The following ABCB11 variants were observed in gnomAD, a reference collection of about 807,000 sequenced individuals.
ABCB11 encodes the protein ATP binding cassette subfamily B member 11.
A neutral mutation model predicts 148.0 loss-of-function variants in ABCB11; 95 were observed. The ratio of observed to expected loss-of-function variants is 0.64; its 90% confidence interval spans 0.54 to 0.76. The LOEUF is 0.76. ABCB11 is among the 30% of genes least tolerant of loss of function. The pLI is 0.00. For synonymous variants in ABCB11, 591 were observed against 555.4 expected, an observed-to-expected ratio of 1.06 and a Z score of -0.90; for missense variants, 1,523 against 1,617.8, an observed-to-expected ratio of 0.94 and a Z score of 1.01.
intron 5 of ABCB11, among the ~76,000 whole-genome samples, chr2:169,010,814 G>A (rs1374825703): frequency 6.6e-6 from 1 of 152,124 alleles, no homozygotes; most frequent in African/African-American, 2.4e-5. Context: ...CACGATGACA[G>A]TATTTAACTC....
chr2:168,933,848 G>A (rs1374655830), intron 23 of ABCB11, among the ~76,000 whole-genome samples: 4 of 152,094 alleles, frequency 2.6e-5, no homozygotes, highest in East Asian at 1.9e-4. Flanking sequence ...GGGTTCAAGC[G>A]ATTCTCCTTT....
chr2:168,924,445 C>T (rs1691214425), intron 27 of ABCB11, among the ~76,000 whole-genome samples: 1 of 152,102 alleles, frequency 6.6e-6, no homozygotes, highest in Non-Finnish European at 1.5e-5. Context: ...ATCTTAAAAA[C>T]AATTCTTATT....
At chr2:168,987,894 A>G (rs563598389) in intron 9 of ABCB11, among the ~76,000 whole-genome samples, 2 of 152,304 alleles carry the variant, frequency 1.3e-5, no homozygotes, top group South Asian at 4.1e-4. Flanking sequence ...AAACTTACAT[A>G]TATTTATGGT....
chr2:168,973,742 C>T lies in ABCB11; in HGVS notation c.1407G>A (p.Gln469=), dbSNP rs2105967959. ...AGKSTALQLI[Q]RFYDPCEGMV... is the part of the protein sequence containing the mutation. ...TTCCTTCACAGGGGTCATAGAATCGCTGAATGAGTTGCAGTGCTGTACTTT... is the reference window on the plus strand; with the variant it reads ...TTCCTTCACAGGGGTCATAGAATCGTTGAATGAGTTGCAGTGCTGTACTTT... The change falls in exon 13 of 28, where the codon CAG becomes CAA. Residue 469 remains glutamine (Q), a synonymous_variant. Coordinates refer to ENST00000650372, the MANE Select transcript of ABCB11 (RefSeq NM_003742.4). The T allele has an allele frequency of 6.2e-7, 1 of 1,612,162 alleles. No individual in the cohort carries two copies. Among genetic ancestry groups the T allele is most frequent in the Non-Finnish European group, 8.5e-7 (1 of 1,178,626 alleles).
chr2:169,024,272 C>T lies in ABCB11; in HGVS notation c.-27-6120G>A, dbSNP rs141645611. 3.7e-3 allele frequency among the ~76,000 whole-genome samples: 561 copies of T among 152,212 alleles called. 2 individuals are homozygous for T. The highest frequency in any genetic ancestry group is 0.013 in the African/African-American group (529 of 41,532). On this transcript the variant is annotated intron_variant, in intron 1 of 27. Transcript: ENST00000650372. Reference sequence around the variant, plus strand: ...CCACAAAAGGGTTAATGTTAGCAAGCTTGGGATGGAGGCACTATGCACCAT... The same window carrying T: ...CCACAAAAGGGTTAATGTTAGCAAGTTTGGGATGGAGGCACTATGCACCAT...
intron 3 of ABCB11, 48 bp from the exon 4 acceptor site, chr2:169,014,402 T>A (rs1695291536): frequency 6.5e-7 from 1 of 1,542,168 alleles, no homozygotes; most frequent in Non-Finnish European, 8.9e-7. Context: ...TCCAATACAA[T>A]GGGAAATTCT....
chr2:168,974,373 G>A (rs527653405), intron 12 of ABCB11, among the ~76,000 whole-genome samples: 123 of 152,098 alleles, frequency 8.1e-4, no homozygotes, highest in African/African-American at 2.8e-3. Flanking sequence ...CGTAGAGGCT[G>A]AATGCTGGCT....
chr2:168,924,520 T>C, intron 27 of ABCB11, 137 bp downstream of exon 27: 2 of 736,444 alleles, frequency 2.7e-6, no homozygotes, highest in Middle Eastern at 3.0e-4. Flanking sequence ...ATAATTGTCT[T>C]TTGGTTCCAC....
intron 25 of ABCB11, among the ~76,000 whole-genome samples, chr2:168,928,974 A>G (rs1054302994): frequency 6.6e-6 from 1 of 152,178 alleles, no homozygotes; most frequent in African/African-American, 2.4e-5. Context: ...TTTGCTTTAT[A>G]CAAGGAAATC....
intron 18 of ABCB11, among the ~76,000 whole-genome samples, chr2:168,959,068 A>T (rs996465207): frequency 6.6e-6 from 1 of 151,732 alleles, no homozygotes; most frequent in Non-Finnish European, 1.5e-5. Flanking sequence ...AGGGAGCAGG[A>T]TGGCAGGGAT....
intron 5 of ABCB11, among the ~76,000 whole-genome samples, chr2:168,998,172 T>C (rs1694772627): frequency 6.6e-6 from 1 of 152,082 alleles, no homozygotes; most frequent in Admixed American, 6.6e-5. Context: ...GTAAAAGCTT[T>C]CTAAGGTATA....
At chr2:168,981,339 G>A (rs1694130100) in intron 10 of ABCB11, among the ~76,000 whole-genome samples, 1 of 152,092 alleles carries the variant, frequency 6.6e-6, no homozygotes, top group African/African-American at 2.4e-5. Flanking sequence ...TATGCATAGG[G>A]ACAAAAATTA....
chr2:168,999,836 C>A (rs1194058832), intron 5 of ABCB11, among the ~76,000 whole-genome samples: 2 of 152,030 alleles, frequency 1.3e-5, no homozygotes, highest in Non-Finnish European at 2.9e-5. Flanking sequence ...TGGAATAAAT[C>A]CCCAAGAGTA....
At chr2:169,008,317 T>C (rs1026242793) in intron 5 of ABCB11, among the ~76,000 whole-genome samples, 1 of 152,172 alleles carries the variant, frequency 6.6e-6, no homozygotes, top group Admixed American at 6.5e-5. Flanking sequence ...TTCCAGCTCT[T>C]GATAGCTGCT....
intron 16 of ABCB11, 69 bp from the exon 17 acceptor site, chr2:168,968,559 T>G: frequency 4.0e-6 from 5 of 1,247,282 alleles, no homozygotes; most frequent in Non-Finnish European, 5.6e-6. Flanking sequence ...GTAGAATTCT[T>G]TACTATGTTT....
chr2:168,997,820 A>G (rs895414741), intron 5 of ABCB11, among the ~76,000 whole-genome samples: 5 of 152,058 alleles, frequency 3.3e-5, no homozygotes, highest in Non-Finnish European at 7.4e-5. Flanking sequence ...GAGTACATTT[A>G]TGCTTGTCTT....
intron 1 of ABCB11, among the ~76,000 whole-genome samples, chr2:169,025,618 C>A (rs1028522587): frequency 6.6e-6 from 1 of 152,204 alleles, no homozygotes; most frequent in Admixed American, 6.5e-5. Flanking sequence ...GTCCCCTTGT[C>A]AATTCCATAC....
chr2:168,989,303 A>G (rs1209815430), intron 9 of ABCB11, among the ~76,000 whole-genome samples: 2 of 152,110 alleles, frequency 1.3e-5, no homozygotes, highest in Admixed American at 1.3e-4. Context: ...ATATTTGTGT[A>G]TAGTGTGAGG....
chr2:168,930,537 T>C, intron 25 of ABCB11, 128 bp downstream of exon 25: 1 of 611,900 alleles, frequency 1.6e-6, no homozygotes, highest in Non-Finnish European at 2.5e-6. Flanking sequence ...CTGGAAAATA[T>C]GCATGGGGTA....
Sources: gnomAD v4.1 joint callset for allele counts (sites outside exome capture counted in the v4.1 genomes callset) on GRCh38, gnomAD v4.1.1 for gene constraint, MANE v1.5 for transcripts, NCBI Gene and HGNC (gene_info 2026-07-23, HGNC 2026-07-21) for gene names.